The following POTEC variants were observed in gnomAD, a reference collection of about 807,000 sequenced individuals.
The protein encoded by POTEC is ANKRD26-like family B member 2.
Under a neutral mutation model 62.0 loss-of-function variants are expected in POTEC, and 35 were observed. The observed-to-expected ratio is 0.56, with a 90% CI of 0.43 to 0.75. POTEC has a LOEUF of 0.75. Among genes scored for constraint, POTEC ranks in the 30% least tolerant of loss-of-function variants. The probability of loss-of-function intolerance (pLI) is 0.00; values close to 1 mark genes in which losing one functional copy is unlikely to be tolerated. For missense variants in POTEC, 472 were observed against 655.9 expected (o/e 0.72, Z 3.06); for synonymous variants, 156 against 221.5 (o/e 0.70, Z 2.62).
At chr18:14,518,259 A>T (rs2143119028) in intron 9 of POTEC, among the ~76,000 whole-genome samples, 1 of 152,016 alleles carries the variant, frequency 6.6e-6, no homozygotes, top group Non-Finnish European at 1.5e-5. Context: ...AAAACACACA[A>T]TAACAACAGA....
At chr18:14,536,447 A>G (rs1016594510) in intron 3 of POTEC, among the ~76,000 whole-genome samples, 11 of 151,988 alleles carry the variant, frequency 7.2e-5, no homozygotes, top group African/African-American at 2.7e-4. Context: ...TGACCAGGCT[A>G]GACTAGAACT....
rs1288626542 is a variant in POTEC at position 14,511,805 on chromosome 18, T to C, written c.*93A>G. The C allele has an allele frequency of 4.8e-6, 6 of 1,259,066 alleles. No individual in the cohort carries two copies. Among genetic ancestry groups the C allele is most frequent in the Non-Finnish European group, 6.9e-6 (6 of 863,534 alleles). The allele number at this position is 1,259,066 out of a possible 1,614,324, so 78.0% of individuals were successfully genotyped here. ...GTTAATGCTTCTTCATTCAATTGCATAGCCCTTAGAAGTTTATCAGTCTTT... is the reference window on the plus strand; with the variant it reads ...GTTAATGCTTCTTCATTCAATTGCACAGCCCTTAGAAGTTTATCAGTCTTT... On this transcript the variant is annotated 3_prime_UTR_variant, in exon 11 of 11. Transcript: ENST00000358970.
At chr18:14,513,617 A>G (rs781630949) in intron 10 of POTEC, 45 bp downstream of exon 10, 7 of 1,574,994 alleles carry the variant, frequency 4.4e-6, no homozygotes, top group Non-Finnish European at 5.2e-6. Flanking sequence ...CTTTTTAAAA[A>G]TATATACACA....
At chr18:14,512,471 G>C (rs530180401) in intron 10 of POTEC, among the ~76,000 whole-genome samples, 3 of 152,328 alleles carry the variant, frequency 2.0e-5, no homozygotes, top group East Asian at 3.9e-4. Flanking sequence ...TTTACAGTCA[G>C]TTGTAAGCAT....
chr18:14,511,902 T>C lies in POTEC; in HGVS notation c.1625A>G (p.Asn542Ser). The part of the protein sequence containing the change: ...EIAMLISGDW[N>S] ...GGTTCTGATGTTTTGTTTCATCTAG[T>C]TCCAGTCTCCAGAAATTAGCATGGC... The change falls in exon 11 of 11, where the codon AAC becomes AGC. Residue 542 changes from asparagine (N) to serine (S), a missense_variant. Around this residue, in one of 5 missense-constraint regions of POTEC, gnomAD observed 67 missense variants for 58.3 expected, o/e 1.15. Coordinates refer to ENST00000358970, the MANE Select transcript of POTEC (RefSeq NM_001137671.2). 3.1e-6 allele frequency: 5 copies of C among 1,613,812 alleles called. No individual in the cohort carries two copies. Among genetic ancestry groups the C allele is most frequent in the Middle Eastern group, 1.7e-4 (1 of 6,052 alleles).
chr18:14,542,562 G>T (rs1905973706), intron 1 of POTEC, 64 bp downstream of exon 1: 1 of 1,606,084 alleles, frequency 6.2e-7, no homozygotes, highest in Non-Finnish European at 8.5e-7. Flanking sequence ...CCCTCCCTGC[G>T]CCAGGAGGGT....
At chr18:14,539,288 C>T (rs1269461369) in intron 1 of POTEC, among the ~76,000 whole-genome samples, 5 of 151,848 alleles carry the variant, frequency 3.3e-5, no homozygotes, top group African/African-American at 9.7e-5. Context: ...CTTTTACATT[C>T]GGGGATACAG....
In POTEC at chr18:14,543,484, C is replaced by G. The variant is rs1906037691; in HGVS notation, c.-338G>C. The G allele has an allele frequency of 2.1e-6, 1 of 473,358 alleles. No homozygotes were observed. The highest frequency in any genetic ancestry group is 3.8e-6 in the Non-Finnish European group (1 of 262,522). 29.3% of individuals were successfully genotyped at this position (473,358 alleles called of 1,614,324 possible). On this transcript the variant is annotated 5_prime_UTR_variant, in exon 1 of 11. Coordinates refer to ENST00000358970, the MANE Select transcript of POTEC (RefSeq NM_001137671.2). ...GCAAAGGAATGCGAGGGAGGAAACG[C>G]CAATCCAAGCAAGAAACACCAGGCA...
intron 9 of POTEC, among the ~76,000 whole-genome samples, chr18:14,517,401 G>A (rs1156737782): frequency 1.3e-5 from 2 of 152,272 alleles, no homozygotes; most frequent in Non-Finnish European, 2.9e-5. Context: ...CCACGCAGCA[G>A]TACCTGCTCC....
chr18:14,519,105 G>A (rs1329478869), intron 9 of POTEC, among the ~76,000 whole-genome samples: 1 of 152,072 alleles, frequency 6.6e-6, no homozygotes, highest in Non-Finnish European at 1.5e-5. Flanking sequence ...TATTCTTCAG[G>A]TAGACCTGAC....
At chr18:14,513,558 C>CGT (rs397764430) in intron 10 of POTEC, 104 bp downstream of exon 10, 34 of 1,483,016 alleles carry the variant, frequency 2.3e-5, no homozygotes, top group Non-Finnish European at 2.4e-5. Flanking sequence ...CACACACACA[C>CGT]GTGTGTATAT....
Position 14,543,396 on chromosome 18 carries a change from C to T in POTEC, c.-250G>A, listed in dbSNP as rs1464049455. Reference sequence around the variant, plus strand: ...CCCCAGGAAAGGCCAAGCCCCCCCTCCCAAGGAAACACCCAGCCCAGTCAA... The same window carrying T: ...CCCCAGGAAAGGCCAAGCCCCCCCTTCCAAGGAAACACCCAGCCCAGTCAA... On this transcript the variant is annotated 5_prime_UTR_variant, in exon 1 of 11. Transcript: ENST00000358970. The T allele has an allele frequency of 3.2e-6, 2 of 633,276 alleles. No individual in the cohort carries two copies. The highest frequency in any genetic ancestry group is 5.5e-6 in the Non-Finnish European group (2 of 363,038). 39.2% of individuals were successfully genotyped at this position (633,276 alleles called of 1,614,324 possible).
At position 14,511,779 on chromosome 18, in the gene POTEC, C is replaced by T. The variant is rs550060550; in HGVS notation, c.*119G>A. 2.3e-5 allele frequency: 25 copies of T among 1,093,530 alleles called. No homozygotes were observed. Among genetic ancestry groups the T allele is most frequent in the South Asian group, 1.0e-4 (8 of 78,162 alleles). 67.7% of individuals were successfully genotyped at this position (1,093,530 alleles called of 1,614,324 possible). A position where few individuals can be genotyped will look rare whatever the true frequency, so the allele number is the denominator to read the frequency against. ...TCCACTGTACTTAAATATTGGTTTT[C>T]GTTAATGCTTCTTCATTCAATTGCA... On this transcript the variant is annotated 3_prime_UTR_variant, in exon 11 of 11. Transcript: ENST00000358970.
intron 3 of POTEC, 56 bp downstream of exon 3, chr18:14,537,745 C>G: frequency 1.3e-6 from 2 of 1,595,994 alleles, no homozygotes; most frequent in Non-Finnish European, 8.6e-7. Context: ...TTACACAGGT[C>G]AATGTTAACA....
rs1210507056 is a variant in POTEC at position 14,522,264 on chromosome 18, C to G, written c.1399G>C (p.Glu467Gln). The change falls in exon 9 of 11, where the codon GAG becomes CAG. Residue 467 changes from glutamate (E) to glutamine (Q), a missense_variant. Around this residue, in one of 5 missense-constraint regions of POTEC, gnomAD observed 83 missense variants for 254.3 expected, o/e 0.33. Transcript: ENST00000358970. Reference protein sequence around the residue: ...NQQFPDTENEEYHSDEQNDTR... With the variant: ...NQQFPDTENEQYHSDEQNDTR... The stretch of plus-strand genomic sequence containing the variant: ...TTGCCATAGGCTTACCTGTGATACT[C>G]TTCATTCTCAGTGTCAGGAAATTGC... The G allele has an allele frequency of 1.9e-6, 3 of 1,573,000 alleles. No individual in the cohort carries two copies. The South Asian group carries it at 3.6e-5, about 19-fold the overall frequency.
Position 14,510,671 on chromosome 18 carries a change from C to T in POTEC, c.*1227G>A, listed in dbSNP as rs1398697007. On this transcript the variant is annotated 3_prime_UTR_variant, in exon 11 of 11. Coordinates refer to ENST00000358970, the MANE Select transcript of POTEC (RefSeq NM_001137671.2). ...GGTATGAACCTGTTGCCAATCTCAA[C>T]ACACCTGTAGGATGTGACTGGAAGC... 6.6e-6 allele frequency: 1 copy of T among 152,144 alleles called. No individual in the cohort carries two copies. The highest frequency in any genetic ancestry group is 1.5e-5 in the Non-Finnish European group (1 of 68,058). 9.4% of individuals were successfully genotyped at this position (152,144 alleles called of 1,614,324 possible).
intron 1 of POTEC, among the ~76,000 whole-genome samples, chr18:14,542,081 TAA>T (rs1905952575): frequency 6.7e-6 from 1 of 149,690 alleles, no homozygotes; most frequent in African/African-American, 2.4e-5. Context: ...TTGGCTTATG[TAA>T]AAGTGATAAA....
intron 7 of POTEC, 68 bp downstream of exon 7, chr18:14,524,845 C>T (rs1266477691): frequency 1.3e-6 from 2 of 1,536,654 alleles, no homozygotes; most frequent in African/African-American, 2.8e-5. Context: ...TTCATTTGGA[C>T]TATCTAATAT....
Position 14,543,422 on chromosome 18 carries a change from G to A in POTEC, c.-276C>T, listed in dbSNP as rs145096970. ...CCAAGGAAACACCCAGCCCAGTCAA[G>A]GGAATGCCAAACCCAGCAGAGAAAA... On this transcript the variant is annotated 5_prime_UTR_variant, in exon 1 of 11. Transcript: ENST00000358970. 2.4e-5 allele frequency: 14 copies of A among 591,090 alleles called. No individual in the cohort carries two copies. The African/African-American group carries it at 2.4e-4, about 10-fold the overall frequency. 36.6% of individuals were successfully genotyped at this position (591,090 alleles called of 1,614,324 possible).
Sources: allele counts gnomAD v4.1 joint callset (sites outside exome capture counted in the v4.1 genomes callset), GRCh38; gene constraint gnomAD v4.1.1; regional missense constraint gnomAD v4.1.1; transcripts MANE v1.5; gene names NCBI Gene and HGNC (gene_info 2026-07-23, HGNC 2026-07-21).